The following GPATCH8 variants were observed in gnomAD, a reference collection of about 807,000 sequenced individuals.
The protein encoded by GPATCH8 is G-patch domain containing 8, also known as G patch domain-containing protein 8.
In GPATCH8, 18 loss-of-function variants were observed where a neutral mutation model predicts 118.3. The observed-to-expected ratio is 0.15, with a 90% confidence interval of 0.11 to 0.23. The LOEUF (loss-of-function observed/expected upper bound fraction) is 0.23, where lower values mean the gene tolerates loss of function less well. GPATCH8 is among the 10% of genes least tolerant of loss of function. The probability of loss-of-function intolerance (pLI) is 1.00; values close to 1 mark genes in which losing one functional copy is unlikely to be tolerated. For synonymous variants in GPATCH8, 659 were observed against 684.7 expected (o/e 0.96, Z 0.59); for missense variants, 1,631 against 1,873.8 (o/e 0.87, Z 2.39).
At chr17:44,503,202 G>C (rs1598663101) in intron 1 of GPATCH8, 124 bp downstream of exon 1, 6 of 853,342 alleles carry the variant, frequency 7.0e-6, no homozygotes, top group East Asian at 5.3e-5. Flanking sequence ...AGAGACGGGA[G>C]AAGAGCGAGC....
At position 44,398,449 on chromosome 17, in the gene GPATCH8, A is replaced by C; in HGVS notation, c.3628T>G (p.Ser1210Ala). 6 of 1,611,942 alleles carry C rather than the reference A, an allele frequency of 3.7e-6. No individual in the cohort carries two copies. In the East Asian group the frequency reaches 1.3e-4, roughly 36 times the overall value. Residue 1210 changes from serine (S) to alanine (A), a missense_variant, in exon 8 of 8, where the codon TCA (serine) becomes GCA (alanine). Ser to Ala is a moderately conservative substitution (Grantham distance 99). This residue lies in a region of GPATCH8 where 922 missense variants were observed against 879.7 expected (regional missense o/e 1.05). Coordinates refer to ENST00000591680, the MANE Select transcript of GPATCH8 (RefSeq NM_001002909.4). ...TCAGCAGTAGCTTCTCCAGACTTTG[A>C]CTCTTCTGGGGGTGGGTCTAATAAG... ...GPLLDPPPEE[S>A]KSGEATADHP...
chr17:44,466,956 A>G (rs1460096446), intron 2 of GPATCH8: 1 of 298,912 alleles, frequency 3.3e-6, no homozygotes, highest in Non-Finnish European at 7.0e-6. Flanking sequence ...TTTTTAAAGA[A>G]AACTCAATCT....
chr17:44,401,231 G>A lies in GPATCH8; in HGVS notation c.846C>T (p.Gly282=). The A allele has an allele frequency of 6.2e-7, 1 of 1,613,842 alleles. No individual in the cohort carries two copies. Among genetic ancestry groups the A allele is most frequent in the Non-Finnish European group, 8.5e-7 (1 of 1,179,732 alleles). The part of the protein sequence containing the change: ...LAQAPGLASQ[G]ISFGIKNNLG... ...GATTATTCTTAATGCCAAAGCTGAT[G>A]CCTTGGGAGGCTAACCCAGGAGCCT... is the stretch of plus-strand genomic sequence containing the variant. Residue 282 remains glycine, a synonymous_variant, in exon 8 of 8, where the codon GGC becomes GGT. Transcript: ENST00000591680.
At chr17:44,491,401 C>T (rs1421318866) in intron 1 of GPATCH8, among the ~76,000 whole-genome samples, 1 of 148,338 alleles carries the variant, frequency 6.7e-6, no homozygotes, top group East Asian at 2.0e-4. Context: ...AAGCAGAGAA[C>T]GACTTGAATC....
chr17:44,437,184 T>C (rs903396611), intron 3 of GPATCH8, among the ~76,000 whole-genome samples: 2 of 152,194 alleles, frequency 1.3e-5, no homozygotes, highest in Non-Finnish European at 2.9e-5. Flanking sequence ...TTCCTTTTAA[T>C]CTGGTGCTCT....
chr17:44,484,965 C>A (rs1366361693), intron 1 of GPATCH8, among the ~76,000 whole-genome samples: 1 of 151,710 alleles, frequency 6.6e-6, no homozygotes, highest in Non-Finnish European at 1.5e-5. Flanking sequence ...GCACATGCCA[C>A]CATGCCTGGC....
chr17:44,411,792 A>T (rs1442269889), intron 6 of GPATCH8, among the ~76,000 whole-genome samples: 2 of 152,150 alleles, frequency 1.3e-5, no homozygotes, highest in Non-Finnish European at 2.9e-5. Context: ...CACAAAAGAG[A>T]TGCGCAGTAA....
chr17:44,403,375 T>C (rs1168612108), intron 7 of GPATCH8, among the ~76,000 whole-genome samples: 2 of 151,996 alleles, frequency 1.3e-5, no homozygotes, highest in African/African-American at 4.8e-5. Flanking sequence ...GCTCGGCCCA[T>C]GCTGGCTAAT....
At chr17:44,474,059 A>C (rs1967532602) in intron 2 of GPATCH8, among the ~76,000 whole-genome samples, 1 of 152,200 alleles carries the variant, frequency 6.6e-6, no homozygotes, top group South Asian at 2.1e-4. Flanking sequence ...TTTTACCAAT[A>C]ACTCACCGAA....
At chr17:44,493,698 G>C (rs1969454971) in intron 1 of GPATCH8, among the ~76,000 whole-genome samples, 1 of 152,140 alleles carries the variant, frequency 6.6e-6, no homozygotes, top group African/African-American at 2.4e-5. Context: ...GTCCAGCCTG[G>C]GCAATGTAAC....
intron 1 of GPATCH8, among the ~76,000 whole-genome samples, chr17:44,496,936 G>C (rs999698834): frequency 5.3e-5 from 8 of 152,138 alleles, no homozygotes. Flanking sequence ...TTTATAAGTG[G>C]AAAATTATTA....
intron 5 of GPATCH8, among the ~76,000 whole-genome samples, chr17:44,430,431 C>A (rs2050264572): frequency 1.3e-5 from 2 of 152,092 alleles, no homozygotes; most frequent in Non-Finnish European, 2.9e-5. Context: ...AAGGAAAAAA[C>A]CCACAAGGTT....
At chr17:44,482,139 T>C (rs1968303424) in intron 1 of GPATCH8, among the ~76,000 whole-genome samples, 2 of 150,262 alleles carry the variant, frequency 1.3e-5, no homozygotes, top group Non-Finnish European at 1.5e-5. Flanking sequence ...AATAACCCCA[T>C]GTTCTCACTC....
intron 6 of GPATCH8, among the ~76,000 whole-genome samples, chr17:44,411,064 T>C (rs188603533): frequency 6.6e-6 from 1 of 152,346 alleles, no homozygotes; most frequent in African/African-American, 2.4e-5. Context: ...ATGTGGATTA[T>C]AAATGTGCAG....
At chr17:44,440,602 T>C (rs1208971582) in intron 3 of GPATCH8, among the ~76,000 whole-genome samples, 1 of 152,174 alleles carries the variant, frequency 6.6e-6, no homozygotes, top group African/African-American at 2.4e-5. Context: ...GTTTTACTTA[T>C]GCAATAATAG....
intron 6 of GPATCH8, among the ~76,000 whole-genome samples, chr17:44,421,298 G>A (rs972216485): frequency 6.6e-6 from 1 of 151,444 alleles, no homozygotes; most frequent in African/African-American, 2.4e-5. Context: ...CCGAGATCGC[G>A]CCATTGCACT....
intron 1 of GPATCH8, among the ~76,000 whole-genome samples, chr17:44,500,375 T>A (rs1021142622): frequency 6.6e-6 from 1 of 152,222 alleles, no homozygotes; most frequent in Non-Finnish European, 1.5e-5. Context: ...GCCTGTGGAA[T>A]AGGACCTGTT....
At position 44,398,651 on chromosome 17, in the gene GPATCH8, C is replaced by A; in HGVS notation, c.3426G>T (p.Lys1142Asn). The A allele has an allele frequency of 6.4e-7, 1 of 1,560,630 alleles. No individual in the cohort carries two copies. Among genetic ancestry groups the A allele is most frequent in the Middle Eastern group, 1.7e-4 (1 of 5,774 alleles). The change falls in exon 8 of 8, where the codon AAG becomes AAT. Residue 1142 changes from lysine to asparagine, a missense_variant. Lys to Asn is a moderately conservative substitution (Grantham distance 94). This residue lies in a region of GPATCH8 where 922 missense variants were observed against 879.7 expected (regional missense o/e 1.05). Transcript: ENST00000591680. ...GPKLPPSLGN[K>N]PVLPLIGKLP... is the part of the protein sequence containing the mutation. Reference sequence around the variant, plus strand: ...GCTTCCCTATCAGTGGAAGGACAGGCTTATTGCCAAGAGATGGGGGGAGCT... The same window carrying A: ...GCTTCCCTATCAGTGGAAGGACAGGATTATTGCCAAGAGATGGGGGGAGCT...
rs778450026 is a variant in GPATCH8 at position 44,401,074 on chromosome 17, C to T, written c.1003G>A (p.Asp335Asn). Reference sequence around the variant, plus strand: ...AGTCCTTGGTCAGAACTCTTCTCATCGGGTTTTGTTCCATCTTCAGAGGTC... The same window carrying T: ...AGTCCTTGGTCAGAACTCTTCTCATTGGGTTTTGTTCCATCTTCAGAGGTC... ...EGTSEDGTKP[D>N]EKSSDQGLQK... The change falls in exon 8 of 8, where the codon GAT (aspartate) becomes AAT (asparagine). Residue 335 changes from aspartate to asparagine, a missense_variant. By Grantham distance (23) the Asp-to-Asn change is conservative. Around this residue, in one of 8 missense-constraint regions of GPATCH8, gnomAD observed 405 missense variants for 462.7 expected, o/e 0.88. Coordinates refer to ENST00000591680, the MANE Select transcript of GPATCH8 (RefSeq NM_001002909.4). 1.2e-5 allele frequency: 19 copies of T among 1,614,056 alleles called. No homozygotes were observed. Among genetic ancestry groups the T allele is most frequent in the Middle Eastern group, 1.6e-4 (1 of 6,084 alleles).
Sources: gnomAD v4.1 joint callset for allele counts (sites outside exome capture counted in the v4.1 genomes callset) on GRCh38, gnomAD v4.1.1 for gene constraint, gnomAD v4.1.1 regional missense constraint, MANE v1.5 for transcripts, NCBI Gene and HGNC (gene_info 2026-07-23, HGNC 2026-07-21) for gene names.